Variants in GRIA4 observed in about 807,000 individuals in gnomAD.
The protein encoded by GRIA4 is glutamate receptor 4.
In GRIA4, 34 loss-of-function variants were observed where a neutral mutation model predicts 104.0. That is an observed-to-expected ratio of 0.33 (90% CI 0.25 to 0.44). GRIA4 has a LOEUF of 0.44. Among genes scored for constraint, GRIA4 ranks in the 20% least tolerant of loss-of-function variants. GRIA4 has a pLI of 1.00. For synonymous variants in GRIA4, 386 were observed against 381.9 expected, an observed-to-expected ratio of 1.01 and a Z score of -0.13; for missense variants, 750 against 1,096.5, an observed-to-expected ratio of 0.68 and a Z score of 4.46.
intron 3 of GRIA4, among the ~76,000 whole-genome samples, chr11:105,654,431 A>G (rs545405016): frequency 6.6e-6 from 1 of 152,294 alleles, no homozygotes; most frequent in East Asian, 1.9e-4. Context: ...TAATTTAAAA[A>G]ATAATAACTT....
intron 3 of GRIA4, among the ~76,000 whole-genome samples, chr11:105,669,884 G>T (rs1952304716): frequency 6.6e-6 from 1 of 152,068 alleles, no homozygotes; most frequent in Admixed American, 6.6e-5. Context: ...GCAGGCTGCT[G>T]ATCCCGGATG....
intron 4 of GRIA4, among the ~76,000 whole-genome samples, chr11:105,814,030 T>C (rs2047306187): frequency 1.3e-5 from 2 of 152,188 alleles, no homozygotes; most frequent in African/African-American, 2.4e-5. Context: ...GGCAAAAACC[T>C]TCCAGGGGAT....
chr11:105,843,200 G>C (rs1487821455), intron 4 of GRIA4, among the ~76,000 whole-genome samples: 1 of 152,186 alleles, frequency 6.6e-6, no homozygotes, highest in East Asian at 1.9e-4. Flanking sequence ...CACATCAGGA[G>C]TTTGATTAAA....
chr11:105,765,386 G>T (rs1940884752), intron 4 of GRIA4, among the ~76,000 whole-genome samples: 1 of 152,186 alleles, frequency 6.6e-6, no homozygotes, highest in African/African-American at 2.4e-5. Context: ...CAATAGCAAA[G>T]GTTAAAGTAT....
chr11:105,849,734 T>C (rs1944729881), intron 4 of GRIA4, among the ~76,000 whole-genome samples: 1 of 152,158 alleles, frequency 6.6e-6, no homozygotes. Context: ...ACAACAGTGG[T>C]TATCCTTTTC....
chr11:105,664,253 G>A (rs959976682), intron 3 of GRIA4, among the ~76,000 whole-genome samples: 2 of 150,068 alleles, frequency 1.3e-5, no homozygotes, highest in African/African-American at 4.9e-5. Context: ...ACGGGGCACT[G>A]GATAAGTGGA....
At chr11:105,912,975 T>C (rs1947299358) in intron 10 of GRIA4, 1 of 966,184 alleles carries the variant, frequency 1.0e-6, no homozygotes, top group African/African-American at 1.8e-5. Context: ...GAGCACTGGA[T>C]ATAATTCATT....
intron 4 of GRIA4, among the ~76,000 whole-genome samples, chr11:105,809,469 A>T (rs1943086287): frequency 6.6e-6 from 1 of 152,140 alleles, no homozygotes; most frequent in African/African-American, 2.4e-5. Context: ...GTCCCCACTC[A>T]AATCTCATCT....
At chr11:105,907,774 T>G (rs1947095274) in intron 9 of GRIA4, among the ~76,000 whole-genome samples, 2 of 152,336 alleles carry the variant, frequency 1.3e-5, no homozygotes, top group Non-Finnish European at 2.9e-5. Flanking sequence ...TATTCAATCC[T>G]CATGACAACC....
rs1272835810 is a variant in GRIA4, at chr11:105,918,796, T to A, written c.1354T>A (p.Ser452Thr). The change falls in exon 11 of 17, where the codon TCT (serine) becomes ACT (threonine). Residue 452 changes from serine (S) to threonine (T), a missense_variant. Physicochemically the swap from Ser to Thr is moderately conservative, Grantham distance 58. Coordinates refer to ENST00000282499, the MANE Select transcript of GRIA4 (RefSeq NM_000829.4). ...KYEGYCVDLA[S>T]EIAKHIGIKY... is the part of the protein sequence containing the mutation. Reference sequence around the variant, plus strand: ...TGAAGGATACTGTGTAGATTTGGCATCTGAAATTGCAAAACATATTGGTAT... The same window carrying A: ...TGAAGGATACTGTGTAGATTTGGCAACTGAAATTGCAAAACATATTGGTAT... The A allele has an allele frequency of 6.3e-7, 1 of 1,598,900 alleles. No individual in the cohort carries two copies. Among genetic ancestry groups the A allele is most frequent in the African/African-American group, 1.3e-5 (1 of 74,270 alleles).
chr11:105,645,938 G>C (rs1246451856), intron 3 of GRIA4, among the ~76,000 whole-genome samples: 2 of 152,120 alleles, frequency 1.3e-5, no homozygotes, highest in Non-Finnish European at 2.9e-5. Flanking sequence ...GGTTAAAATT[G>C]GGGTAAAGAA....
At position 105,620,486 on chromosome 11, in the gene GRIA4, A is replaced by G. The variant is rs1018126992; in HGVS notation, c.247+8052A>G. On this transcript the variant is annotated intron_variant, in intron 3 of 16. Transcript: ENST00000282499. ...CATACCACAGCATCTTGATCAATAC[A>G]GTATTGACAAAATACCCAACATTCA... 1.1e-4 allele frequency among the ~76,000 whole-genome samples: 17 copies of G among 151,974 alleles called. No individual in the cohort carries two copies. In the East Asian group the frequency reaches 2.9e-3, roughly 26 times the overall value.
chr11:105,668,683 T>TTG (rs1298312825), intron 3 of GRIA4, among the ~76,000 whole-genome samples: 1 of 149,886 alleles, frequency 6.7e-6, no homozygotes, highest in African/African-American at 2.5e-5. Flanking sequence ...TTGTCTTTTT[T>TTG]TTTTTTTTTG....
At chr11:105,952,147 CAGACTT>C (rs1239294869) in intron 14 of GRIA4, among the ~76,000 whole-genome samples, 1 of 152,062 alleles carries the variant, frequency 6.6e-6, no homozygotes, top group Non-Finnish European at 1.5e-5. Flanking sequence ...CTTTAATAGA[CAGACTT>C]AGAAGTCATC....
intron 4 of GRIA4, among the ~76,000 whole-genome samples, chr11:105,833,357 T>C (rs755621054): frequency 6.6e-6 from 1 of 152,008 alleles, no homozygotes. Context: ...AGTCCTTCCA[T>C]TTCTTTGTAA....
chr11:105,907,016 G>A (rs758697133), intron 9 of GRIA4, among the ~76,000 whole-genome samples: 3 of 152,128 alleles, frequency 2.0e-5, no homozygotes, highest in Admixed American at 6.6e-5. Flanking sequence ...ATTTTAAAAC[G>A]CAAATGACAA....
At chr11:105,689,640 C>T (rs763298535) in intron 3 of GRIA4, among the ~76,000 whole-genome samples, 4 of 151,998 alleles carry the variant, frequency 2.6e-5, no homozygotes, top group Non-Finnish European at 5.9e-5. Flanking sequence ...ATGATAGATA[C>T]CAAAAAAGGA....
intron 3 of GRIA4, among the ~76,000 whole-genome samples, chr11:105,657,142 G>A (rs1301703879): frequency 6.6e-6 from 1 of 151,996 alleles, no homozygotes; most frequent in African/African-American, 2.4e-5. Context: ...ATTATTGGAT[G>A]TGGTAACCTT....
At chr11:105,673,231 C>A (rs1337168089) in intron 3 of GRIA4, among the ~76,000 whole-genome samples, 12 of 152,062 alleles carry the variant, frequency 7.9e-5, no homozygotes, top group African/African-American at 2.7e-4. Context: ...CCTACATTGT[C>A]CCCACATCCT....
Sources: gnomAD v4.1 joint callset for allele counts (sites outside exome capture counted in the v4.1 genomes callset) on GRCh38, gnomAD v4.1.1 for gene constraint, MANE v1.5 for transcripts, NCBI Gene and HGNC (gene_info 2026-07-23, HGNC 2026-07-21) for gene names.